Variants in MYO3B observed in about 807,000 individuals in gnomAD.
MYO3B encodes myosin-IIIb.
In MYO3B, 156 loss-of-function variants were observed where a neutral mutation model predicts 174.6. The ratio of observed to expected loss-of-function variants is 0.89; its 90% CI spans 0.78 to 1.02. The LOEUF is 1.02. Among genes scored for constraint, MYO3B ranks in the 50% least tolerant of loss-of-function variants. The pLI is 0.00. For synonymous variants in MYO3B, 563 were observed against 569.1 expected (o/e 0.99, Z 0.15); for missense variants, 1,632 against 1,639.4 (o/e 1.00, Z 0.08).
chr2:170,525,639 C>T (rs1348354966), intron 30 of MYO3B, among the ~76,000 whole-genome samples: 2 of 152,168 alleles, frequency 1.3e-5, no homozygotes, highest in African/African-American at 4.8e-5. Context: ...TGGGAACCTC[C>T]GTGACTCAGG....
At position 170,621,750 on chromosome 2, in the gene MYO3B, G is replaced by A. The variant is rs371145498; in HGVS notation, c.3734-29878G>A. ...CGGTCTCAAACTCCTGACCTCAAAT[G>A]ATCCACCCGCCTCGGCCTCCCAAAG... On this transcript the variant is annotated intron_variant, in intron 32 of 34. Coordinates refer to ENST00000408978, the MANE Select transcript of MYO3B (RefSeq NM_138995.5). 5.3e-5 allele frequency among the ~76,000 whole-genome samples: 8 copies of A among 151,680 alleles called. No homozygotes were observed. In the East Asian group the frequency reaches 9.7e-4, roughly 18 times the overall value.
chr2:170,587,712 G>A (rs562726841), intron 32 of MYO3B, among the ~76,000 whole-genome samples: 1 of 152,306 alleles, frequency 6.6e-6, no homozygotes, highest in East Asian at 1.9e-4. Flanking sequence ...CACAGCCCAG[G>A]CAGAAGGTTT....
At chr2:170,267,090 G>A (rs2093389412) in intron 7 of MYO3B, among the ~76,000 whole-genome samples, 1 of 142,314 alleles carries the variant, frequency 7.0e-6, no homozygotes, top group African/African-American at 2.5e-5. Context: ...CCTGTTCTCA[G>A]TGGCTCAACA....
chr2:170,392,608 T>C, intron 16 of MYO3B, 113 bp downstream of exon 16: 5 of 635,610 alleles, frequency 7.9e-6, no homozygotes, highest in Non-Finnish European at 1.2e-5. Flanking sequence ...GCCATGTTGG[T>C]CATGTTATAA....
chr2:170,469,175 A>T (rs976648770), intron 25 of MYO3B, among the ~76,000 whole-genome samples: 1 of 152,146 alleles, frequency 6.6e-6, no homozygotes, highest in Non-Finnish European at 1.5e-5. Flanking sequence ...TTGTTTGTTT[A>T]TGAAGCTATT....
chr2:170,607,286 G>T (rs1373819980), intron 32 of MYO3B, among the ~76,000 whole-genome samples: 2 of 152,216 alleles, frequency 1.3e-5, no homozygotes, highest in East Asian at 3.8e-4. Flanking sequence ...AGATTATGAT[G>T]CAGAAATAAA....
Position 170,236,155 on chromosome 2 carries a change from C to T in MYO3B, c.749+19C>T. Reference sequence around the variant, plus strand: ...TTCCAAGGTAAGACACAAGATGGCGCTCTTGACTCATTAGTTCTTTGTGAA... The same window carrying T: ...TTCCAAGGTAAGACACAAGATGGCGTTCTTGACTCATTAGTTCTTTGTGAA... On this transcript the variant is annotated intron_variant, in intron 7 of 34. Coordinates refer to ENST00000408978, the MANE Select transcript of MYO3B (RefSeq NM_138995.5). 1.9e-6 allele frequency: 3 copies of T among 1,613,948 alleles called. No individual in the cohort carries two copies. The highest frequency in any genetic ancestry group is 2.5e-6 in the Non-Finnish European group (3 of 1,179,914).
At chr2:170,399,152 G>T (rs924751357) in intron 16 of MYO3B, among the ~76,000 whole-genome samples, 1 of 148,596 alleles carries the variant, frequency 6.7e-6, no homozygotes, top group Non-Finnish European at 1.5e-5. Flanking sequence ...TGAGGCAGGA[G>T]AATTGCTTGA....
intron 14 of MYO3B, 82 bp downstream of exon 14, chr2:170,387,390 A>T (rs1297254976): frequency 7.7e-7 from 1 of 1,303,560 alleles, no homozygotes; most frequent in South Asian, 1.3e-5. Context: ...TTCAGTTTTC[A>T]TTCTTGTTCT....
chr2:170,562,182 T>C (rs1279121242), intron 32 of MYO3B, among the ~76,000 whole-genome samples: 1 of 152,184 alleles, frequency 6.6e-6, no homozygotes, highest in Non-Finnish European at 1.5e-5. Context: ...GTGGTGGTAA[T>C]GTTTTCTGAG....
chr2:170,436,073 C>T (rs1437935822), intron 22 of MYO3B, among the ~76,000 whole-genome samples: 1 of 152,284 alleles, frequency 6.6e-6, no homozygotes, highest in East Asian at 1.9e-4. Flanking sequence ...TGTGTGAGAT[C>T]TTTGTAATCT....
chr2:170,270,929 C>T (rs2093421162), intron 7 of MYO3B, among the ~76,000 whole-genome samples: 2 of 152,326 alleles, frequency 1.3e-5, no homozygotes, highest in South Asian at 2.1e-4. Context: ...ATTCCAACAA[C>T]CACTACAGCC....
intron 7 of MYO3B, among the ~76,000 whole-genome samples, chr2:170,293,643 C>G (rs2093610241): frequency 6.6e-6 from 1 of 152,156 alleles, no homozygotes; most frequent in Non-Finnish European, 1.5e-5. Context: ...TTGCTACACA[C>G]TTTTTATGAC....
chr2:170,342,831 T>C (rs962865854), intron 8 of MYO3B, among the ~76,000 whole-genome samples: 14 of 152,104 alleles, frequency 9.2e-5, no homozygotes, highest in African/African-American at 3.1e-4. Context: ...CCAGAAAACT[T>C]GTTCCAGAGT....
chr2:170,179,230 A>G (rs1329082485), intron 1 of MYO3B, among the ~76,000 whole-genome samples: 1 of 152,216 alleles, frequency 6.6e-6, no homozygotes, highest in Non-Finnish European at 1.5e-5. Context: ...TAAAGAAAGG[A>G]AAAGAGTACA....
chr2:170,533,146 G>A (rs148245185), intron 30 of MYO3B, among the ~76,000 whole-genome samples: 2,102 of 152,042 alleles, frequency 0.014, 49 homozygotes, highest in South Asian at 0.078. Context: ...CATCATTGCC[G>A]TGCTCAGTGA....
At chr2:170,536,130 G>A (rs1689667856) in intron 30 of MYO3B, among the ~76,000 whole-genome samples, 1 of 152,220 alleles carries the variant, frequency 6.6e-6, no homozygotes, top group East Asian at 1.9e-4. Flanking sequence ...AGAATGCAAG[G>A]ACTGGCAAAT....
At chr2:170,619,734 A>ATACT (rs1553539463) in intron 32 of MYO3B, among the ~76,000 whole-genome samples, 1 of 33,520 alleles carries the variant, frequency 3.0e-5, no homozygotes, top group Non-Finnish European at 7.4e-5. Flanking sequence ...CTGCTGCCAT[A>ATACT]TTCTTTTTTT....
chr2:170,362,604 C>T (rs1262676147), intron 8 of MYO3B, among the ~76,000 whole-genome samples: 1 of 152,184 alleles, frequency 6.6e-6, no homozygotes, highest in Non-Finnish European at 1.5e-5. Context: ...TGACTATTCT[C>T]CTCTGATTGA....
Sources: gnomAD v4.1 joint callset for allele counts (sites outside exome capture counted in the v4.1 genomes callset) on GRCh38, gnomAD v4.1.1 for gene constraint, MANE v1.5 for transcripts, NCBI Gene and HGNC (gene_info 2026-07-23, HGNC 2026-07-21) for gene names.